RBM25: variants seen among roughly 807,000 people sequenced by gnomAD.
RBM25 encodes RNA binding motif protein 25.
RBM25 carries 19 observed loss-of-function variants against 120.7 expected under a neutral mutation model. That is an observed-to-expected ratio of 0.16 (90% CI 0.11 to 0.23). RBM25 has a LOEUF of 0.23. Ranked by LOEUF, RBM25 falls within the 10% of genes least tolerant of loss-of-function variation. The pLI is 1.00. For synonymous variants in RBM25, 390 were observed against 326.7 expected, an observed-to-expected ratio of 1.19 and a Z score of -2.09; for missense variants, 605 against 1,041.5, an observed-to-expected ratio of 0.58 and a Z score of 5.77.
rs933172791 is a variant in RBM25, at chr14:73,086,457, A to C, written c.383-1544A>C. Among the ~76,000 whole-genome samples the C allele has an allele frequency of 1.3e-4, 20 of 151,174 alleles. No homozygotes were observed. The South Asian group carries it at 3.6e-3, about 27-fold the overall frequency. ...GTCTAAAAAAAAAAAAAAACAAAAC[A>C]GTGGTTTGGTGTTTGCTTTTAGGTT... On this transcript the variant is annotated intron_variant, in intron 5 of 18. Coordinates refer to ENST00000261973, the MANE Select transcript of RBM25 (RefSeq NM_021239.3).
chr14:73,111,633 G>A lies in RBM25; in HGVS notation c.2123G>A (p.Arg708Gln), dbSNP rs1291376659. 6.2e-6 allele frequency: 10 copies of A among 1,614,072 alleles called. No homozygotes were observed. The highest frequency in any genetic ancestry group is 8.5e-6 in the Non-Finnish European group (10 of 1,179,990). Residue 708 changes from arginine to glutamine, a missense_variant, in exon 16 of 19, where the codon CGA becomes CAA. Around this residue, in one of 4 missense-constraint regions of RBM25, gnomAD observed 465 missense variants for 741.6 expected, o/e 0.63. Transcript: ENST00000261973. The stretch of plus-strand genomic sequence containing the variant: ...GATGAAGACAGTGATGACGTACCCC[G>A]AAAAAGGAAACTGGTTCCCTTGGAT... ...FEDEDSDDVP[R>Q]KRKLVPLDYG...
chr14:73,063,956 A>G (rs373025977), intron 1 of RBM25, among the ~76,000 whole-genome samples: 1 of 151,296 alleles, frequency 6.6e-6, no homozygotes, highest in Non-Finnish European at 1.5e-5. Context: ...TGGCCTTGCT[A>G]TTCCTCCCTC....
intron 7 of RBM25, among the ~76,000 whole-genome samples, chr14:73,098,374 C>T (rs1895992664): frequency 6.6e-6 from 1 of 152,148 alleles, no homozygotes; most frequent in Non-Finnish European, 1.5e-5. Flanking sequence ...AAATGATCTG[C>T]CTGCCTCAGC....
chr14:73,097,085 G>A lies in RBM25; in HGVS notation c.714G>A (p.Lys238=), dbSNP rs760976928. ...ATTCTCACCCCAGGAAGAAGAAGAA[G>A]GAAAAGAAGGAGGACGTATGTGTTC... ...ESDSHPRKKK[K]EKKEDIFRRF... The change falls in exon 7 of 19, where the codon AAG becomes AAA. Residue 238 remains lysine (K), a synonymous_variant. Coordinates refer to ENST00000261973, the MANE Select transcript of RBM25 (RefSeq NM_021239.3). 3.1e-6 allele frequency: 5 copies of A among 1,607,898 alleles called. No homozygotes were observed. The highest frequency in any genetic ancestry group is 3.4e-5 in the Admixed American group (2 of 58,388).
intron 7 of RBM25, 60 bp from the exon 8 acceptor site, chr14:73,099,320 A>C: frequency 6.9e-7 from 1 of 1,454,524 alleles, no homozygotes; most frequent in South Asian, 1.2e-5. Context: ...ATTGCTTTGC[A>C]GATTAGTATG....
intron 15 of RBM25, 168 bp downstream of exon 15, chr14:73,111,323 C>T: frequency 1.2e-6 from 1 of 823,910 alleles, no homozygotes; most frequent in Non-Finnish European, 1.8e-6. Flanking sequence ...ACTAGTGCTC[C>T]TATATCTGCA....
intron 5 of RBM25, 32 bp from the exon 6 acceptor site, chr14:73,087,969 G>GTA: frequency 6.3e-7 from 1 of 1,587,660 alleles, no homozygotes; most frequent in South Asian, 1.2e-5. Context: ...AAGTGAATTG[G>GTA]TATTTCACTA....
intron 1 of RBM25, 22 bp from the exon 2 acceptor site, chr14:73,071,605 T>C (rs753590641): frequency 2.9e-5 from 43 of 1,480,684 alleles, no homozygotes; most frequent in Non-Finnish European, 4.0e-5. Context: ...TAAAATGATT[T>C]GTCATGTCCT....
intron 14 of RBM25, 33 bp downstream of exon 14, chr14:73,109,525 G>A: frequency 6.3e-7 from 1 of 1,589,016 alleles, no homozygotes; most frequent in East Asian, 2.3e-5. Flanking sequence ...CGGGCGCGGT[G>A]GCTCACGCCT....
intron 14 of RBM25, 26 bp downstream of exon 14, chr14:73,109,518 G>A: frequency 6.3e-7 from 1 of 1,598,260 alleles, no homozygotes; most frequent in Non-Finnish European, 8.5e-7. Flanking sequence ...ATCTGGTCGG[G>A]CGCGGTGGCT....
rs1378164163 is a variant in RBM25 at position 73,071,716 on chromosome 14, G to A, written c.75G>A (p.Gln25=). The stretch of plus-strand genomic sequence containing the variant: ...TCCCACCAGGGATCCCACCCCCGCA[G>A]TTTCCAGGATTTCCTCCACCTGTAC... ...PALPPGIPPP[Q]FPGFPPPVPP... The change falls in exon 2 of 19, where the codon CAG becomes CAA. Residue 25 remains glutamine (Q), a synonymous_variant. Coordinates refer to ENST00000261973, the MANE Select transcript of RBM25 (RefSeq NM_021239.3). 4.3e-6 allele frequency: 7 copies of A among 1,613,822 alleles called. No individual in the cohort carries two copies. The highest frequency in any genetic ancestry group is 5.9e-6 in the Non-Finnish European group (7 of 1,179,860).
intron 9 of RBM25, 107 bp from the exon 10 acceptor site, chr14:73,103,085 T>C: frequency 6.6e-7 from 1 of 1,518,432 alleles, no homozygotes; most frequent in Non-Finnish European, 8.8e-7. Flanking sequence ...AATATTAATG[T>C]ATCAGTGGTT....
intron 1 of RBM25, among the ~76,000 whole-genome samples, chr14:73,071,238 C>A (rs1895282281): frequency 2.8e-5 from 2 of 71,594 alleles, no homozygotes; most frequent in African/African-American, 5.4e-5. Context: ...GAGACTCTGT[C>A]TCAAAAAAAA....
At chr14:73,079,462 G>C (rs1400424785) in intron 4 of RBM25, among the ~76,000 whole-genome samples, 1 of 150,476 alleles carries the variant, frequency 6.6e-6, no homozygotes, top group East Asian at 1.9e-4. Context: ...ACTATATTCT[G>C]CACTGAGAGG....
intron 1 of RBM25, among the ~76,000 whole-genome samples, chr14:73,063,547 A>G (rs1014598154): frequency 6.6e-6 from 1 of 151,500 alleles, no homozygotes; most frequent in Non-Finnish European, 1.5e-5. Flanking sequence ...TTTCAGTGCC[A>G]TAAGATAACT....
intron 1 of RBM25, among the ~76,000 whole-genome samples, chr14:73,063,251 G>T (rs1436431371): frequency 6.6e-6 from 1 of 151,128 alleles, no homozygotes; most frequent in Non-Finnish European, 1.5e-5. Context: ...CCGGGTTCAC[G>T]CCATTCTCCT....
intron 1 of RBM25, among the ~76,000 whole-genome samples, chr14:73,061,674 C>T (rs1028009915): frequency 6.6e-6 from 1 of 151,178 alleles, no homozygotes; most frequent in South Asian, 2.1e-4. Context: ...TTAAGCAATC[C>T]TCCCACCCCA....
At chr14:73,103,574 T>TTG (rs1345271481) in intron 10 of RBM25, 96 bp downstream of exon 10, 19 of 1,480,322 alleles carry the variant, frequency 1.3e-5, no homozygotes, top group South Asian at 8.9e-5. Flanking sequence ...ATGAGAACTT[T>TTG]TGTGTGTGTG....
chr14:73,062,026 ATGCTGAATGGACTTAGCATGAACACC>A (rs1895016728), intron 1 of RBM25, among the ~76,000 whole-genome samples: 1 of 151,262 alleles, frequency 6.6e-6, no homozygotes, highest in Non-Finnish European at 1.5e-5. Context: ...CACCATATTA[ATGCTGAATGGACTTAGCATGAACACC>A]TGATCAGTAG....
Sources: gnomAD v4.1 joint callset for allele counts (sites outside exome capture counted in the v4.1 genomes callset) on GRCh38, gnomAD v4.1.1 for gene constraint, gnomAD v4.1.1 regional missense constraint, MANE v1.5 for transcripts, NCBI Gene and HGNC (gene_info 2026-07-23, HGNC 2026-07-21) for gene names.